Variants in RFFL observed in about 807,000 individuals in gnomAD.
RFFL encodes E3 ubiquitin-protein ligase rififylin.
A neutral mutation model predicts 40.4 loss-of-function variants in RFFL; 16 were observed. The observed-to-expected ratio is 0.40, with a 90% CI of 0.27 to 0.60. RFFL has a LOEUF of 0.60. RFFL is among the 20% of genes least tolerant of loss of function. The probability of loss-of-function intolerance (pLI) is 0.47; values close to 1 mark genes in which losing one functional copy is unlikely to be tolerated. For missense variants in RFFL, 367 were observed against 451.7 expected, an observed-to-expected ratio of 0.81 and a Z score of 1.70; for synonymous variants, 154 against 167.9, an observed-to-expected ratio of 0.92 and a Z score of 0.64.
At chr17:35,029,521 CTTTTT>C (rs34986105) in intron 1 of RFFL, among the ~76,000 whole-genome samples, 3 of 114,980 alleles carry the variant, frequency 2.6e-5, no homozygotes, top group South Asian at 2.9e-4. Context: ...TTTTTGCTTT[CTTTTT>C]TTTTTTTTTT....
At chr17:35,053,707 A>T (rs1267141677) in intron 1 of RFFL, among the ~76,000 whole-genome samples, 1 of 152,238 alleles carries the variant, frequency 6.6e-6, no homozygotes, top group Non-Finnish European at 1.5e-5. Context: ...AATACCAGGC[A>T]TTATGGGAAA....
intron 1 of RFFL, among the ~76,000 whole-genome samples, chr17:35,029,616 G>A (rs2091068439): frequency 1.3e-5 from 2 of 150,894 alleles, no homozygotes. Context: ...CGCCTCCCGG[G>A]TTCACACCAT....
rs1239701837 is a variant in RFFL, at chr17:35,027,499, T to C, written c.-8-938A>G. Among the ~76,000 whole-genome samples the C allele has an allele frequency of 2.7e-5, 4 of 150,790 alleles. No individual in the cohort carries two copies. In the East Asian group the frequency reaches 7.9e-4, roughly 30 times the overall value. ...CAGCACTTTGGGAGACTGAGGCGAG[T>C]GGATCACCGGAGGTCGGGAGTTCGA... On this transcript the variant is annotated intron_variant, in intron 1 of 6. Coordinates refer to ENST00000394597, the MANE Select transcript of RFFL (RefSeq NM_001017368.2).
rs1405959313 is a variant in RFFL at position 35,044,779 on chromosome 17, TTC to T, written c.-8-18220_-8-18219del. 1.8e-4 allele frequency among the ~76,000 whole-genome samples: 27 copies of T among 152,312 alleles called. 1 individual carries two copies. Among genetic ancestry groups the T allele is most frequent in the African/African-American group, 6.0e-4 (25 of 41,562 alleles). On this transcript the variant is annotated intron_variant, in intron 1 of 6. Transcript: ENST00000394597. Reference sequence around the variant, plus strand: ...CTCCCTCCCTCAAGCTATTCAGCTATTCTCTCAGCCTGGAGCACTGTTGCCAC... The same window carrying T: ...CTCCCTCCCTCAAGCTATTCAGCTATTCTCAGCCTGGAGCACTGTTGCCAC...
chr17:35,078,292 G>C (rs1289828617), intron 1 of RFFL, among the ~76,000 whole-genome samples: 1 of 152,078 alleles, frequency 6.6e-6, no homozygotes, highest in Non-Finnish European at 1.5e-5. Flanking sequence ...CAATAAAGAA[G>C]TTATTTGATT....
chr17:35,012,524 C>T (rs1402167039), intron 6 of RFFL, among the ~76,000 whole-genome samples: 1 of 152,140 alleles, frequency 6.6e-6, no homozygotes. Context: ...CTCATTATCC[C>T]CTGAGGCAGA....
chr17:35,088,844 C>T (rs1000155622), intron 1 of RFFL: 2 of 152,358 alleles, frequency 1.3e-5, no homozygotes, highest in Non-Finnish European at 2.9e-5. Flanking sequence ...ACGCACGTCT[C>T]CTGTTACTGC....
chr17:35,042,159 C>T (rs1487275080), intron 1 of RFFL: 1 of 152,188 alleles, frequency 6.6e-6, no homozygotes, highest in Non-Finnish European at 1.5e-5. Context: ...CAGGCCCTGA[C>T]ACAGCTGATT....
chr17:35,060,540 AC>A (rs1421819674), intron 1 of RFFL, among the ~76,000 whole-genome samples: 2 of 152,174 alleles, frequency 1.3e-5, no homozygotes, highest in African/African-American at 4.8e-5. Flanking sequence ...AATAAAGCCT[AC>A]CCAACGCAAA....
intron 1 of RFFL, among the ~76,000 whole-genome samples, chr17:35,052,772 G>C (rs56056457): frequency 2.0e-5 from 3 of 152,248 alleles, no homozygotes; most frequent in South Asian, 2.1e-4. Context: ...GCTCAGTGAG[G>C]CCATGGTCTA....
intron 1 of RFFL, among the ~76,000 whole-genome samples, chr17:35,036,901 G>A (rs2091126874): frequency 6.6e-6 from 1 of 152,210 alleles, no homozygotes; most frequent in Non-Finnish European, 1.5e-5. Context: ...TTCCCATGAA[G>A]GGGAGAGAGG....
In RFFL at chr17:35,021,726, C is replaced by T; in HGVS notation, c.236G>A (p.Gly79Glu). Reference protein sequence around the residue: ...NFCMTCSSQVGNGPRLCLLCQ... With the variant: ...NFCMTCSSQVENGPRLCLLCQ... Reference sequence around the variant, plus strand: ...GAGAAGGCAGAGGCGGGGCCCATTCCCTACTTGGCTCGAACAGGTCATGCA... The same window carrying T: ...GAGAAGGCAGAGGCGGGGCCCATTCTCTACTTGGCTCGAACAGGTCATGCA... The change falls in exon 3 of 7, where the codon GGG becomes GAG. Residue 79 changes from glycine (G) to glutamate (E), a missense_variant. By Grantham distance (98) the Gly-to-Glu change is moderately conservative. Transcript: ENST00000394597. 1 of 1,614,218 alleles carries T rather than the reference C, an allele frequency of 6.2e-7. No individual in the cohort carries two copies. The highest frequency in any genetic ancestry group is 8.5e-7 in the Non-Finnish European group (1 of 1,180,044).
intron 1 of RFFL, among the ~76,000 whole-genome samples, chr17:35,051,797 C>G (rs957610966): frequency 1.3e-5 from 2 of 152,120 alleles, no homozygotes; most frequent in East Asian, 1.9e-4. Context: ...GTTAAACAGC[C>G]CTTTCGTGAA....
At chr17:35,065,965 T>C (rs1327895733), upstream of RFFL, among the ~76,000 whole-genome samples, 1 of 151,822 alleles carries the variant, frequency 6.6e-6, no homozygotes, top group Non-Finnish European at 1.5e-5. Context: ...TTTCAATACA[T>C]TATTTTAAAA....
intron 1 of RFFL, among the ~76,000 whole-genome samples, chr17:35,029,888 G>T (rs11650512): frequency 7.1e-6 from 1 of 141,114 alleles, no homozygotes; most frequent in African/African-American, 2.8e-5. Flanking sequence ...TCCCCTTCCT[G>T]TGTCCATGTG....
chr17:35,058,115 A>G (rs1259349155), intron 1 of RFFL, among the ~76,000 whole-genome samples: 2 of 152,150 alleles, frequency 1.3e-5, no homozygotes, highest in Non-Finnish European at 2.9e-5. Context: ...GGCAGACTGG[A>G]AAGAAGAGCA....
At chr17:35,028,730 C>G (rs1247971232) in intron 1 of RFFL, among the ~76,000 whole-genome samples, 2 of 152,050 alleles carry the variant, frequency 1.3e-5, no homozygotes, top group East Asian at 3.9e-4. Flanking sequence ...CCAACTGATT[C>G]AACCTGGGTT....
chr17:35,041,218 C>T (rs560718128), intron 1 of RFFL, among the ~76,000 whole-genome samples: 5 of 152,046 alleles, frequency 3.3e-5, no homozygotes, highest in South Asian at 4.1e-4. Flanking sequence ...AGCCTCCTAA[C>T]GGGTTTCCTA....
intron 4 of RFFL, 75 bp downstream of exon 4, chr17:35,017,448 G>T: frequency 2.2e-6 from 2 of 910,994 alleles, no homozygotes; most frequent in South Asian, 2.8e-5. Context: ...CTCTCCACTC[G>T]ACTCTGCTAA....
Sources: gnomAD v4.1 joint callset for allele counts (sites outside exome capture counted in the v4.1 genomes callset) on GRCh38, gnomAD v4.1.1 for gene constraint, MANE v1.5 for transcripts, NCBI Gene and HGNC (gene_info 2026-07-23, HGNC 2026-07-21) for gene names.